The following CLIP4 variants were observed in gnomAD, a reference collection of about 807,000 sequenced individuals.
CLIP4 encodes the protein CAP-Gly domain containing linker protein family member 4, also known as CAP-Gly domain-containing linker protein 4.
Under a neutral mutation model 73.1 loss-of-function variants are expected in CLIP4, and 47 were observed. That is an observed-to-expected ratio of 0.64 (90% CI 0.51 to 0.82). CLIP4 has a LOEUF of 0.82. Ranked by LOEUF, CLIP4 falls within the 40% of genes least tolerant of loss-of-function variation. CLIP4 has a pLI of 0.00. For missense variants in CLIP4, 874 were observed against 852.9 expected, an observed-to-expected ratio of 1.02 and a Z score of -0.31; for synonymous variants, 306 against 295.4, an observed-to-expected ratio of 1.04 and a Z score of -0.37.
intron 2 of CLIP4, chr2:29,130,138 C>T: frequency 4.4e-6 from 2 of 458,882 alleles, no homozygotes. Context: ...TCTAGAACTC[C>T]ATGGCTGGGT....
At chr2:29,158,994 G>A (rs899560190) in intron 11 of CLIP4, among the ~76,000 whole-genome samples, 1 of 152,176 alleles carries the variant, frequency 6.6e-6, no homozygotes, top group Non-Finnish European at 1.5e-5. Context: ...ACAAGGGGAC[G>A]GGCCTGAGGA....
chr2:29,164,023 A>G, intron 13 of CLIP4, 69 bp downstream of exon 13: 2 of 1,269,818 alleles, frequency 1.6e-6, no homozygotes, highest in Non-Finnish European at 2.2e-6. Context: ...TAGAGACACT[A>G]ATTTTATATT....
intron 14 of CLIP4, among the ~76,000 whole-genome samples, chr2:29,170,936 C>T (rs908731117): frequency 2.6e-5 from 4 of 152,030 alleles, no homozygotes; most frequent in East Asian, 1.9e-4. Flanking sequence ...CTGGGCTCTC[C>T]GTTCTGTTTC....
chr2:29,163,986 A>C, intron 13 of CLIP4, 32 bp downstream of exon 13: 16 of 1,595,990 alleles, frequency 1.0e-5, no homozygotes, highest in Non-Finnish European at 1.4e-5. Context: ...TTATTTACAG[A>C]AACTTTTTGT....
chr2:29,127,340 T>C (rs1237893335), intron 2 of CLIP4, among the ~76,000 whole-genome samples: 1 of 152,100 alleles, frequency 6.6e-6, no homozygotes, highest in African/African-American at 2.4e-5. Flanking sequence ...TTCATTGAAC[T>C]TATGTAAATA....
intron 7 of CLIP4, among the ~76,000 whole-genome samples, chr2:29,144,609 C>T (rs186901396): frequency 2.1e-3 from 320 of 151,846 alleles, no homozygotes; most frequent in Non-Finnish European, 3.0e-3. Flanking sequence ...CGTAGGCATA[C>T]GTGTGCCATG....
At chr2:29,123,638 A>ATACTTAGCTCTGTC (rs1664409018) in intron 2 of CLIP4, among the ~76,000 whole-genome samples, 1 of 152,234 alleles carries the variant, frequency 6.6e-6, no homozygotes, top group African/African-American at 2.4e-5. Flanking sequence ...ACCTTGGTAT[A>ATACTTAGCTCTGTC]TCCTAAGAAT....
rs377382035 is a variant in CLIP4 at position 29,132,151 on chromosome 2, G to T, written c.274-1G>T. ...AACCATATTTTCCTTGACTGCTTCAGATTCTTAAGAGAGGTTGCAATGTGA... is the reference window on the plus strand; with the variant it reads ...AACCATATTTTCCTTGACTGCTTCATATTCTTAAGAGAGGTTGCAATGTGA... On this transcript the variant is annotated splice_acceptor_variant, in intron 3 of 15. Transcript: ENST00000320081. LOFTEE classifies it high-confidence loss of function. 1 of 1,612,636 alleles carries T rather than the reference G, an allele frequency of 6.2e-7. No homozygotes were observed. The highest frequency in any genetic ancestry group is 1.3e-5 in the African/African-American group (1 of 74,992).
intron 6 of CLIP4, among the ~76,000 whole-genome samples, chr2:29,137,315 A>T (rs1358049776): frequency 6.6e-6 from 1 of 152,126 alleles, no homozygotes; most frequent in Non-Finnish European, 1.5e-5. Context: ...TTTTCTTAGG[A>T]TAATGGCCTC....
chr2:29,143,639 C>T lies in CLIP4; in HGVS notation c.649-70C>T, dbSNP rs61525601. 5.8e-4 allele frequency: 613 copies of T among 1,053,588 alleles called. 2 individuals are homozygous for T. In the African/African-American group the frequency reaches 9.0e-3, roughly 15 times the overall value. 65.3% of individuals were successfully genotyped at this position (1,053,588 alleles called of 1,614,324 possible). Reference sequence around the variant, plus strand: ...TGAATTTAACGTAAAGTTCTTCCAACAGAAATTTTATATGACTTTCTAGTG... The same window carrying T: ...TGAATTTAACGTAAAGTTCTTCCAATAGAAATTTTATATGACTTTCTAGTG... On this transcript the variant is annotated intron_variant, in intron 6 of 15. Transcript: ENST00000320081.
In CLIP4 at chr2:29,157,239, A is replaced by G; in HGVS notation, c.1291A>G (p.Thr431Ala). The G allele has an allele frequency of 1.2e-6, 2 of 1,614,074 alleles. No individual in the cohort carries two copies. The highest frequency in any genetic ancestry group is 2.2e-5 in the East Asian group (1 of 44,870). Residue 431 changes from threonine (T) to alanine (A), a missense_variant, in exon 11 of 16, where the codon ACA becomes GCA. Coordinates refer to ENST00000320081, the MANE Select transcript of CLIP4 (RefSeq NM_024692.6). ...TGGATCTGTCAGCAGCTGCTCCTCT[A>G]CATCTTCTTTGGAACACAGACAGAG... ...LLGSVSSCSS[T>A]SSLEHRQSYP...
chr2:29,171,921 GTTATT>G (rs1447159010), intron 14 of CLIP4, among the ~76,000 whole-genome samples: 5 of 149,610 alleles, frequency 3.3e-5, no homozygotes, highest in South Asian at 4.2e-4. Flanking sequence ...TGATATTTTT[GTTATT>G]TTATTTGTTT....
Position 29,143,936 on chromosome 2 carries a change from A to G in CLIP4, c.876A>G (p.Ala292=), listed in dbSNP as rs1461492524. Residue 292 remains alanine, a synonymous_variant, in exon 7 of 16, where the codon GCA becomes GCG. Transcript: ENST00000320081. The part of the protein sequence containing the change: ...GLKLGDRVVI[A]GQKVGTLRFC... ...AGTTGGGGGATCGTGTTGTTATTGC[A>G]GGACAGAAGGTACAGTAAGTAACTG... 9 of 1,613,916 alleles carry G rather than the reference A, an allele frequency of 5.6e-6. No individual in the cohort carries two copies. The highest frequency in any genetic ancestry group is 2.2e-5 in the East Asian group (1 of 44,880).
At chr2:29,099,788 C>T (rs1164825839) in intron 1 of CLIP4, among the ~76,000 whole-genome samples, 1 of 152,208 alleles carries the variant, frequency 6.6e-6, no homozygotes, top group Non-Finnish European at 1.5e-5. Flanking sequence ...CTGGGAAGAA[C>T]TGTCATTTTG....
At chr2:29,179,187 T>A (rs1053813528) in intron 15 of CLIP4, among the ~76,000 whole-genome samples, 3 of 152,242 alleles carry the variant, frequency 2.0e-5, no homozygotes, top group Non-Finnish European at 2.9e-5. Context: ...CTCAGCTAAT[T>A]TTTACAGCAC....
chr2:29,180,793 T>G (rs1668600983), intron 15 of CLIP4, among the ~76,000 whole-genome samples: 1 of 152,166 alleles, frequency 6.6e-6, no homozygotes, highest in African/African-American at 2.4e-5. Context: ...TAATTAGGTA[T>G]AAGTGTATTT....
chr2:29,100,177 A>C (rs1335523238), intron 1 of CLIP4, among the ~76,000 whole-genome samples: 1 of 151,996 alleles, frequency 6.6e-6, no homozygotes, highest in East Asian at 1.9e-4. Flanking sequence ...TGATCCGCCC[A>C]CCGTGGCCTC....
chr2:29,132,138 C>T lies in CLIP4; in HGVS notation c.274-14C>T. On this transcript the variant is annotated splice_polypyrimidine_tract_variant and intron_variant, in intron 3 of 15. Coordinates refer to ENST00000320081, the MANE Select transcript of CLIP4 (RefSeq NM_024692.6). ...GTAGTTAGGTTGTAACCATATTTTC[C>T]TTGACTGCTTCAGATTCTTAAGAGA... The T allele has an allele frequency of 6.2e-7, 1 of 1,607,338 alleles. No homozygotes were observed. The highest frequency in any genetic ancestry group is 8.5e-7 in the Non-Finnish European group (1 of 1,174,398).
intron 5 of CLIP4, among the ~76,000 whole-genome samples, chr2:29,134,247 G>GT (rs562750882): frequency 4.8e-4 from 73 of 151,936 alleles, no homozygotes; most frequent in African/African-American, 1.7e-3. Context: ...TAATATTTCA[G>GT]TTTTTTTTCC....
Sources: allele counts gnomAD v4.1 joint callset (sites outside exome capture counted in the v4.1 genomes callset), GRCh38; gene constraint gnomAD v4.1.1; transcripts MANE v1.5; gene names NCBI Gene and HGNC (gene_info 2026-07-23, HGNC 2026-07-21).